Variants in RHOA observed in about 807,000 individuals in gnomAD.
The protein encoded by RHOA is ras homolog family member A.
Under a neutral mutation model 17.5 loss-of-function variants are expected in RHOA, and 3 were observed. The ratio of observed to expected loss-of-function variants is 0.17; its 90% CI spans 0.08 to 0.44. The LOEUF (loss-of-function observed/expected upper bound fraction) is 0.44. RHOA is among the 20% of genes least tolerant of loss of function. The probability of loss-of-function intolerance (pLI) is 0.99; values close to 1 mark genes in which losing one functional copy is unlikely to be tolerated. For synonymous variants in RHOA, 98 were observed against 88.4 expected (o/e 1.11, Z -0.61); for missense variants, 56 against 242.3 (o/e 0.23, Z 5.10).
In RHOA at chr3:49,389,936, C is replaced by CA. The variant is rs577683876; in HGVS notation, c.-2-14346dup. The stretch of plus-strand genomic sequence containing the variant: ...TGGGCAACAGAGTGAGACTCCACCT[C>CA]AAAAAAAAAAAAAAAAAAAAAGTTA... On this transcript the variant is annotated intron_variant, in intron 1 of 4. Coordinates refer to ENST00000418115, the MANE Select transcript of RHOA (RefSeq NM_001664.4). 3.9e-3 allele frequency among the ~76,000 whole-genome samples: 297 copies of CA among 76,534 alleles called. 2 individuals carry two copies. Among genetic ancestry groups the CA allele is most frequent in the African/African-American group, 0.014 (284 of 19,776 alleles). 50.2% of individuals were successfully genotyped at this position (76,534 alleles called of 152,430 possible).
At chr3:49,407,926 C>G (rs947040016) in intron 1 of RHOA, among the ~76,000 whole-genome samples, 2 of 151,988 alleles carry the variant, frequency 1.3e-5, no homozygotes, top group African/African-American at 4.8e-5. Context: ...CTTTCAGAGG[C>G]CAAGGGGGGC....
chr3:49,362,956 T>C (rs1354140266), intron 3 of RHOA, among the ~76,000 whole-genome samples: 1 of 152,198 alleles, frequency 6.6e-6, no homozygotes, highest in Non-Finnish European at 1.5e-5. Flanking sequence ...GCAGGCACTT[T>C]ACAGGACATC....
intron 1 of RHOA, among the ~76,000 whole-genome samples, chr3:49,395,046 G>T (rs896443788): frequency 2.6e-5 from 4 of 151,730 alleles, no homozygotes; most frequent in African/African-American, 9.7e-5. Context: ...TCAGGAGATC[G>T]AGACCATCTT....
At chr3:49,391,250 G>C (rs1232337661) in intron 1 of RHOA, among the ~76,000 whole-genome samples, 2 of 151,044 alleles carry the variant, frequency 1.3e-5, no homozygotes, top group East Asian at 1.9e-4. Flanking sequence ...AAATTAGCCA[G>C]GTGTGGTAGT....
In RHOA at chr3:49,375,566, C is replaced by A. The variant is rs763582899; in HGVS notation, c.24G>T (p.Leu8=). The A allele has an allele frequency of 5.0e-6, 8 of 1,613,570 alleles. No homozygotes were observed. The highest frequency in any genetic ancestry group is 1.6e-4 in the Middle Eastern group (1 of 6,084). The change falls in exon 2 of 5, where the codon CTG becomes CTT. Residue 8 remains leucine, a synonymous_variant. Coordinates refer to ENST00000418115, the MANE Select transcript of RHOA (RefSeq NM_001664.4). MAAIRKK[L]VIVGDGACGK... is the part of the protein sequence containing the mutation. The stretch of plus-strand genomic sequence containing the variant: ...CACAGGCTCCATCACCAACAATCAC[C>A]AGTTTCTTCCGGATGGCAGCCATTG...
chr3:49,373,338 T>TA (rs1286045205), intron 2 of RHOA: 1 of 189,888 alleles, frequency 5.3e-6, no homozygotes, highest in Non-Finnish European at 1.2e-5. Context: ...AGGGAGACTC[T>TA]GTCTCTAGAC....
intron 2 of RHOA, among the ~76,000 whole-genome samples, chr3:49,372,618 C>T (rs146617845): frequency 0.024 from 3,681 of 151,394 alleles, 160 homozygotes; most frequent in African/African-American, 0.085. Flanking sequence ...CCTGTAGTCC[C>T]GGCTACTCCG....
chr3:49,369,168 C>A (rs141424092), intron 2 of RHOA, among the ~76,000 whole-genome samples: 5 of 145,192 alleles, frequency 3.4e-5, no homozygotes, highest in Non-Finnish European at 7.6e-5. Flanking sequence ...GGACTACAGG[C>A]GCCCGCCACC....
chr3:49,370,307 G>A (rs1352673463), intron 2 of RHOA, among the ~76,000 whole-genome samples: 1 of 152,160 alleles, frequency 6.6e-6, no homozygotes, highest in Non-Finnish European at 1.5e-5. Flanking sequence ...AATTCAAAAT[G>A]TCAAGTCAAA....
chr3:49,389,781 C>A (rs1334415457), intron 1 of RHOA, among the ~76,000 whole-genome samples: 1 of 151,302 alleles, frequency 6.6e-6, no homozygotes, highest in Non-Finnish European at 1.5e-5. Flanking sequence ...ACCACACACA[C>A]AAAAAATTAG....
intron 1 of RHOA, among the ~76,000 whole-genome samples, chr3:49,390,839 C>T (rs974104203): frequency 1.7e-4 from 26 of 151,624 alleles, no homozygotes; most frequent in Admixed American, 1.4e-3. Context: ...TCTCAGCATT[C>T]TGGGAAGCTG....
At chr3:49,378,170 T>TAAA (rs71627382) in intron 1 of RHOA, among the ~76,000 whole-genome samples, 4,652 of 90,324 alleles carry the variant, frequency 0.052, 148 homozygotes, top group Non-Finnish European at 0.062. Flanking sequence ...AACTGTGTCT[T>TAAA]AAAAAAAAAA....
chr3:49,403,757 A>G (rs565039117), intron 1 of RHOA, among the ~76,000 whole-genome samples: 1 of 152,170 alleles, frequency 6.6e-6, no homozygotes, highest in Admixed American at 6.6e-5. Flanking sequence ...TTATCAAACT[A>G]TCATTTAAAG....
intron 1 of RHOA, among the ~76,000 whole-genome samples, chr3:49,394,813 G>A (rs2048585380): frequency 1.3e-5 from 2 of 152,158 alleles, no homozygotes; most frequent in Non-Finnish European, 2.9e-5. Context: ...TTCTGCCAGA[G>A]AGCTTCAGAT....
chr3:49,398,087 G>A (rs1210507392), intron 1 of RHOA, among the ~76,000 whole-genome samples: 2 of 152,146 alleles, frequency 1.3e-5, no homozygotes, highest in Admixed American at 6.6e-5. Context: ...TAGGCTAGGC[G>A]TGGTGGCTCA....
chr3:49,411,566 A>C (rs1256529275), intron 1 of RHOA, among the ~76,000 whole-genome samples: 4 of 151,872 alleles, frequency 2.6e-5, no homozygotes, highest in African/African-American at 9.6e-5. Context: ...CCTGGGCTCC[A>C]CCAGGCCCGG....
At position 49,359,771 on chromosome 3, in the gene RHOA, C is replaced by T. The variant is rs931290946; in HGVS notation, c.*438G>A. 4.3e-6 allele frequency: 1 copy of T among 233,664 alleles called. No individual in the cohort carries two copies. The highest frequency in any genetic ancestry group is 2.2e-5 in the African/African-American group (1 of 45,136). 14.5% of individuals were successfully genotyped at this position (233,664 alleles called of 1,614,324 possible). A position where few individuals can be genotyped will look rare whatever the true frequency, so the allele number is the denominator to read the frequency against. The stretch of plus-strand genomic sequence containing the variant: ...AGCCCATTTTCAAAAAACTGCCCAC[C>T]CCAGAGCTATGCCAACAAAATCTGT... On this transcript the variant is annotated 3_prime_UTR_variant, in exon 5 of 5. Coordinates refer to ENST00000418115, the MANE Select transcript of RHOA (RefSeq NM_001664.4).
At chr3:49,374,213 G>A (rs1003349431) in intron 2 of RHOA, among the ~76,000 whole-genome samples, 4 of 152,138 alleles carry the variant, frequency 2.6e-5, no homozygotes, top group Non-Finnish European at 4.4e-5. Context: ...AGCCAGTCTG[G>A]TGGTGGACAC....
chr3:49,367,332 G>C (rs959540694), intron 3 of RHOA, among the ~76,000 whole-genome samples: 1 of 52,826 alleles, frequency 1.9e-5, no homozygotes, highest in African/African-American at 6.7e-5. Flanking sequence ...GACAGAGCAA[G>C]ACTCCCTCTC....
Sources: gnomAD v4.1 joint callset for allele counts (sites outside exome capture counted in the v4.1 genomes callset) on GRCh38, gnomAD v4.1.1 for gene constraint, MANE v1.5 for transcripts, NCBI Gene and HGNC (gene_info 2026-07-23, HGNC 2026-07-21) for gene names.